Variants in FHIP1A observed in about 807,000 individuals in gnomAD.
FHIP1A encodes FHF complex subunit HOOK-interacting protein 1A.
FHIP1A carries 61 observed loss-of-function variants against 88.6 expected under a neutral mutation model. The observed-to-expected ratio is 0.69, with a 90% CI of 0.56 to 0.85. FHIP1A has a LOEUF of 0.85. Ranked by LOEUF, FHIP1A falls within the 40% of genes least tolerant of loss-of-function variation. The pLI is 0.00. For synonymous variants in FHIP1A, 478 were observed against 496.0 expected (o/e 0.96, Z 0.48); for missense variants, 1,154 against 1,273.5 (o/e 0.91, Z 1.43).
intron 3 of FHIP1A, among the ~76,000 whole-genome samples, chr4:151,509,445 G>A (rs944564023): frequency 6.6e-6 from 1 of 152,136 alleles, no homozygotes; most frequent in Non-Finnish European, 1.5e-5. Context: ...GATTACAGGC[G>A]TGAGCCACCT....
chr4:151,540,471 T>C (rs1454343774), intron 3 of FHIP1A, among the ~76,000 whole-genome samples: 2 of 152,230 alleles, frequency 1.3e-5, no homozygotes, highest in South Asian at 2.1e-4. Flanking sequence ...TATAAGTAAG[T>C]ATACATTTCA....
chr4:151,469,418 A>G (rs1433124475), intron 2 of FHIP1A, among the ~76,000 whole-genome samples: 1 of 152,190 alleles, frequency 6.6e-6, no homozygotes, highest in Non-Finnish European at 1.5e-5. Context: ...TCTTTTTAAA[A>G]TTTGATACTG....
intron 3 of FHIP1A, among the ~76,000 whole-genome samples, chr4:151,495,515 TAAAGA>T (rs1380252327): frequency 1.3e-5 from 2 of 150,526 alleles, no homozygotes; most frequent in Admixed American, 6.6e-5. Flanking sequence ...AAAAAGAAAG[TAAAGA>T]AAAGAAAAAA....
intron 2 of FHIP1A, among the ~76,000 whole-genome samples, chr4:151,475,866 A>T (rs7676933): frequency 0.3 from 22,966 of 77,100 alleles, 2,307 homozygotes; most frequent in African/African-American, 0.38. Flanking sequence ...TCTATTATCG[A>T]TTTTTTTTTT....
intron 3 of FHIP1A, among the ~76,000 whole-genome samples, chr4:151,552,528 G>T (rs1578743803): frequency 6.6e-6 from 1 of 152,152 alleles, no homozygotes; most frequent in Non-Finnish European, 1.5e-5. Context: ...TCTTTGCAGG[G>T]ACATGGATGA....
intron 1 of FHIP1A, among the ~76,000 whole-genome samples, chr4:151,435,641 C>T (rs1406663134): frequency 6.6e-6 from 1 of 152,112 alleles, no homozygotes; most frequent in East Asian, 1.9e-4. Flanking sequence ...AAAAATTAGC[C>T]AGGTGTGGTG....
At chr4:151,579,903 A>G (rs1274809237) in intron 5 of FHIP1A, among the ~76,000 whole-genome samples, 5 of 152,126 alleles carry the variant, frequency 3.3e-5, no homozygotes, top group Non-Finnish European at 7.4e-5. Flanking sequence ...TTATGCTTTT[A>G]TTTGTTTTTG....
At position 151,512,541 on chromosome 4, in the gene FHIP1A, T is replaced by A. The variant is rs531027616; in HGVS notation, c.-123+29893T>A. ...GAAATTCAAACCAAAGGCAAAGAAG[T>A]TGAAAACTTTGAAAAAAATTTAGAC... On this transcript the variant is annotated intron_variant, in intron 3 of 13. Transcript: ENST00000435205. Among the ~76,000 whole-genome samples the A allele has an allele frequency of 1.3e-4, 20 of 152,222 alleles. No homozygotes were observed. The East Asian group carries it at 3.7e-3, about 28-fold the overall frequency.
At chr4:151,422,983 T>G (rs1405949765) in intron 1 of FHIP1A, among the ~76,000 whole-genome samples, 1 of 152,208 alleles carries the variant, frequency 6.6e-6, no homozygotes, top group East Asian at 1.9e-4. Flanking sequence ...AAAGGCCTTC[T>G]GTTCTGCTTT....
chr4:151,410,499 G>A (rs1732583566), intron 1 of FHIP1A, among the ~76,000 whole-genome samples: 1 of 152,192 alleles, frequency 6.6e-6, no homozygotes, highest in Non-Finnish European at 1.5e-5. Context: ...AAATTATATA[G>A]GTCATTGAAA....
intron 2 of FHIP1A, among the ~76,000 whole-genome samples, chr4:151,468,174 A>G (rs1729390570): frequency 6.7e-6 from 1 of 149,250 alleles, no homozygotes; most frequent in Non-Finnish European, 1.5e-5. Flanking sequence ...AGTCCCAGCT[A>G]CTCCGGCGGC....
At chr4:151,570,213 C>A (rs1297931520) in intron 4 of FHIP1A, among the ~76,000 whole-genome samples, 1 of 152,140 alleles carries the variant, frequency 6.6e-6, no homozygotes, top group Admixed American at 6.5e-5. Flanking sequence ...TTCCTAGCCA[C>A]CCCCTCTCCT....
intron 3 of FHIP1A, among the ~76,000 whole-genome samples, chr4:151,562,425 C>G (rs930386662): frequency 1.3e-5 from 2 of 152,174 alleles, no homozygotes; most frequent in African/African-American, 4.8e-5. Flanking sequence ...CACCTTTCTT[C>G]TGCTCCTTTT....
chr4:151,658,318 TGTG>T (rs1737326900), intron 13 of FHIP1A, among the ~76,000 whole-genome samples: 1 of 152,206 alleles, frequency 6.6e-6, no homozygotes, highest in African/African-American at 2.4e-5. Context: ...TATGAATCTG[TGTG>T]GTCATCTGGG....
At chr4:151,570,179 C>A (rs1313862146) in intron 4 of FHIP1A, among the ~76,000 whole-genome samples, 1 of 152,104 alleles carries the variant, frequency 6.6e-6, no homozygotes, top group Non-Finnish European at 1.5e-5. Flanking sequence ...CATTTAATCT[C>A]CAAAAATGCA....
In FHIP1A at chr4:151,669,220, A is replaced by G. The variant is rs1467115340; in HGVS notation, c.*6466A>G. Among the ~76,000 whole-genome samples the G allele has an allele frequency of 6.6e-6, 1 of 152,194 alleles. No homozygotes were observed. Among genetic ancestry groups the G allele is most frequent in the Non-Finnish European group, 1.5e-5 (1 of 68,040 alleles). On this transcript the variant is annotated 3_prime_UTR_variant, in exon 14 of 14. Coordinates refer to ENST00000435205, the MANE Select transcript of FHIP1A (RefSeq NM_001109977.3). ...GCAGCAGTGATGATATCAACTTACA[A>G]GGTTTGGCTTTCAGGATTTCAGAAG...
chr4:151,571,136 A>G (rs1490110943), intron 4 of FHIP1A, among the ~76,000 whole-genome samples: 1 of 152,218 alleles, frequency 6.6e-6, no homozygotes, highest in Non-Finnish European at 1.5e-5. Flanking sequence ...CTGAAGCTTC[A>G]TGGACCTTGC....
At chr4:151,429,153 A>G (rs2724565) in intron 1 of FHIP1A, among the ~76,000 whole-genome samples, 76,868 of 142,784 alleles carry the variant, frequency 0.54, 20,237 homozygotes, top group African/African-American at 0.57. Context: ...TTTTCCCATT[A>G]GACTTACTGG....
intron 3 of FHIP1A, among the ~76,000 whole-genome samples, chr4:151,503,877 T>C (rs191671971): frequency 7.9e-5 from 12 of 152,342 alleles, no homozygotes; most frequent in Admixed American, 6.5e-4. Context: ...TCTTAGATCC[T>C]CTTTCAATTC....
Sources: allele counts gnomAD v4.1 joint callset (sites outside exome capture counted in the v4.1 genomes callset), GRCh38; gene constraint gnomAD v4.1.1; transcripts MANE v1.5; gene names NCBI Gene and HGNC (gene_info 2026-07-23, HGNC 2026-07-21).